Variants in AGFG1 observed in about 807,000 individuals in gnomAD.
The protein encoded by AGFG1 is ArfGAP with FG repeats 1, also known as arf-GAP domain and FG repeat-containing protein 1.
In AGFG1, 10 loss-of-function variants were observed where a neutral mutation model predicts 60.6. The observed-to-expected ratio is 0.16, with a 90% CI of 0.10 to 0.28. AGFG1 has a LOEUF of 0.28. Ranked by LOEUF, AGFG1 falls within the 10% of genes least tolerant of loss-of-function variation. The pLI, the probability that AGFG1 is intolerant of heterozygous loss-of-function variation, is 1.00. For missense variants in AGFG1, 537 were observed against 676.5 expected (o/e 0.79, Z 2.29); for synonymous variants, 247 against 242.9 (o/e 1.02, Z -0.16).
chr2:227,550,042 T>C (rs771900060), intron 10 of AGFG1: 3 of 451,446 alleles, frequency 6.6e-6, no homozygotes, highest in Non-Finnish European at 1.4e-5. Context: ...GTTGGTCTCT[T>C]TATGGCTTTC....
intron 2 of AGFG1, among the ~76,000 whole-genome samples, chr2:227,509,282 A>G (rs1691424354): frequency 6.6e-6 from 1 of 152,194 alleles, no homozygotes; most frequent in Non-Finnish European, 1.5e-5. Flanking sequence ...GAGGAAGCCC[A>G]GAGGAAGAGA....
intron 10 of AGFG1, among the ~76,000 whole-genome samples, chr2:227,544,156 T>C (rs1218209024): frequency 2.9e-5 from 4 of 138,638 alleles, no homozygotes; most frequent in African/African-American, 1.1e-4. Flanking sequence ...CTTTTTTTTT[T>C]TTTTTTTTTT....
At chr2:227,522,690 T>G (rs1279379079) in intron 3 of AGFG1, among the ~76,000 whole-genome samples, 1 of 152,212 alleles carries the variant, frequency 6.6e-6, no homozygotes, top group Non-Finnish European at 1.5e-5. Context: ...CAGGTGCTCT[T>G]AAGCATGGTT....
At chr2:227,509,040 A>T (rs1029111111) in intron 2 of AGFG1, among the ~76,000 whole-genome samples, 1 of 152,232 alleles carries the variant, frequency 6.6e-6, no homozygotes, top group Non-Finnish European at 1.5e-5. Context: ...AAAGGAAGCC[A>T]TAAACATGTA....
rs186323177 is a variant in AGFG1, at chr2:227,506,058, A to T, written c.262-13890A>T. 4.1e-3 allele frequency among the ~76,000 whole-genome samples: 619 copies of T among 152,282 alleles called. 2 individuals are homozygous for T. The highest frequency in any genetic ancestry group is 0.014 in the African/African-American group (591 of 41,566). ...CACCCAGCCTGTAATATGTTTTTGA[A>T]TATAAGTATACTAGCTATTTTAAGT... On this transcript the variant is annotated intron_variant, in intron 2 of 12. Coordinates refer to ENST00000310078, the MANE Select transcript of AGFG1 (RefSeq NM_004504.5).
intron 10 of AGFG1, among the ~76,000 whole-genome samples, chr2:227,551,526 G>A (rs902259926): frequency 2.0e-5 from 3 of 151,734 alleles, no homozygotes; most frequent in South Asian, 2.1e-4. Flanking sequence ...TTTTTTGCAG[G>A]AACACATATT....
chr2:227,495,077 G>A (rs1221299511), intron 2 of AGFG1, among the ~76,000 whole-genome samples: 1 of 152,138 alleles, frequency 6.6e-6, no homozygotes, highest in East Asian at 1.9e-4. Flanking sequence ...GTTTGGTGGA[G>A]GAGATATGTA....
chr2:227,473,006 T>A (rs1181129555), intron 1 of AGFG1, among the ~76,000 whole-genome samples: 1 of 146,728 alleles, frequency 6.8e-6, no homozygotes, highest in Non-Finnish European at 1.5e-5. Flanking sequence ...TCCATGCGGG[T>A]CCTTTGTGTG....
chr2:227,533,192 C>T (rs1692214017), intron 6 of AGFG1, among the ~76,000 whole-genome samples: 1 of 152,136 alleles, frequency 6.6e-6, no homozygotes, highest in Non-Finnish European at 1.5e-5. Flanking sequence ...TACTTTGCAT[C>T]TTGTTTGCAG....
At chr2:227,497,760 T>TGGGGGCGGAG (rs1691026687) in intron 2 of AGFG1, among the ~76,000 whole-genome samples, 1 of 68,014 alleles carries the variant, frequency 1.5e-5, no homozygotes, top group African/African-American at 4.6e-5. Flanking sequence ...TTTTTTTTTT[T>TGGGGGCGGAG]TGGGGACGGA....
At chr2:227,510,208 G>C (rs1186610647) in intron 2 of AGFG1, among the ~76,000 whole-genome samples, 3 of 151,992 alleles carry the variant, frequency 2.0e-5, no homozygotes, top group Non-Finnish European at 2.9e-5. Context: ...AGAAGAGAAG[G>C]CTTATTGCCC....
chr2:227,484,211 C>T (rs952615658), intron 1 of AGFG1, among the ~76,000 whole-genome samples: 4 of 151,662 alleles, frequency 2.6e-5, no homozygotes, highest in Admixed American at 6.6e-5. Flanking sequence ...TTTTTTGAGA[C>T]GGAGTTTTAC....
rs775035245 is a variant in AGFG1 at position 227,560,997 on chromosome 2, A to G, written c.*6502A>G. ...GAAAGAATAACAGGACCTTCTAGTC[A>G]GCAGGGCATGTTTGGAAAATGTTAA... On this transcript the variant is annotated 3_prime_UTR_variant, in exon 13 of 13. Transcript: ENST00000310078. The G allele has an allele frequency of 1.3e-5, 2 of 152,348 alleles. No homozygotes were observed. The highest frequency in any genetic ancestry group is 1.9e-4 in the East Asian group (1 of 5,196). The allele number at this position is 152,348 out of a possible 1,614,324, so 9.4% of individuals were successfully genotyped here.
chr2:227,545,088 G>A (rs889136450), intron 10 of AGFG1, among the ~76,000 whole-genome samples: 6 of 152,144 alleles, frequency 3.9e-5, no homozygotes, highest in South Asian at 2.1e-4. Context: ...GTCACTTTCA[G>A]GTATACCAAT....
At chr2:227,535,390 A>G (rs1464466134) in intron 8 of AGFG1, among the ~76,000 whole-genome samples, 22 of 152,338 alleles carry the variant, frequency 1.4e-4, no homozygotes, top group Admixed American at 1.4e-3. Flanking sequence ...AAACAGTGAA[A>G]GTCCCATATT....
At chr2:227,487,961 A>G (rs2106164511) in intron 1 of AGFG1, among the ~76,000 whole-genome samples, 1 of 152,372 alleles carries the variant, frequency 6.6e-6, no homozygotes, top group East Asian at 1.9e-4. Flanking sequence ...AATGGAATAT[A>G]AAAGAGCAAT....
chr2:227,507,775 G>A (rs1261727350), intron 2 of AGFG1, among the ~76,000 whole-genome samples: 2 of 151,824 alleles, frequency 1.3e-5, no homozygotes, highest in Non-Finnish European at 2.9e-5. Flanking sequence ...ACCATTTGTG[G>A]TCTTCAATAT....
At chr2:227,476,628 CTT>C (rs1014178631) in intron 1 of AGFG1, among the ~76,000 whole-genome samples, 2 of 152,124 alleles carry the variant, frequency 1.3e-5, no homozygotes. Flanking sequence ...TACATTGACT[CTT>C]GAGATGAATG....
chr2:227,509,768 T>TG (rs1400696986), intron 2 of AGFG1, among the ~76,000 whole-genome samples: 8 of 150,092 alleles, frequency 5.3e-5, no homozygotes, highest in Middle Eastern at 3.4e-3. Flanking sequence ...GTATACATGG[T>TG]GGGGGTGGGT....
Sources: allele counts gnomAD v4.1 joint callset (sites outside exome capture counted in the v4.1 genomes callset), GRCh38; gene constraint gnomAD v4.1.1; transcripts MANE v1.5; gene names NCBI Gene and HGNC (gene_info 2026-07-23, HGNC 2026-07-21).